TTLL2: variants seen among roughly 807,000 people sequenced by gnomAD.
TTLL2 encodes the protein probable tubulin polyglutamylase TTLL2.
TTLL2 carries 10 observed loss-of-function variants against 7.5 expected under a neutral mutation model. That is an observed-to-expected ratio of 1.33 (90% CI 0.82 to 2.25). The LOEUF (loss-of-function observed/expected upper bound fraction) is 2.25. Ranked by LOEUF, TTLL2 falls within the 30% of genes most tolerant of loss-of-function variation. The pLI, the probability that TTLL2 is intolerant of heterozygous loss-of-function variation, is 0.00. For missense variants in TTLL2, 733 were observed against 735.7 expected (o/e 1.00, Z 0.04); for synonymous variants, 284 against 280.3 (o/e 1.01, Z -0.13).
rs1778831421 is a variant in TTLL2 at position 167,325,147 on chromosome 6, A to G, written c.-27A>G. Reference sequence around the variant, plus strand: ...CTGCAGCTGCTGCACAGAGACCCACAGAGGCCACCCTCGGAACCAGCGCCC... The same window carrying G: ...CTGCAGCTGCTGCACAGAGACCCACGGAGGCCACCCTCGGAACCAGCGCCC... On this transcript the variant is annotated 5_prime_UTR_variant, in exon 1 of 3. Coordinates refer to ENST00000239587, the MANE Select transcript of TTLL2 (RefSeq NM_031949.5). The G allele has an allele frequency of 6.4e-7, 1 of 1,567,244 alleles. No individual in the cohort carries two copies. Among genetic ancestry groups the G allele is most frequent in the African/African-American group, 1.4e-5 (1 of 73,584 alleles).
At chr6:167,331,525 C>G (rs1265343907) in intron 1 of TTLL2, among the ~76,000 whole-genome samples, 6 of 152,152 alleles carry the variant, frequency 3.9e-5, no homozygotes, top group Non-Finnish European at 8.8e-5. Flanking sequence ...ACTTTCTGTT[C>G]TTGGCTTATT....
intron 2 of TTLL2, among the ~76,000 whole-genome samples, chr6:167,339,363 G>T (rs1015253445): frequency 6.6e-6 from 1 of 152,080 alleles, no homozygotes; most frequent in East Asian, 1.9e-4. Context: ...AGTTATGATC[G>T]TCTTAAGAAT....
intron 1 of TTLL2, among the ~76,000 whole-genome samples, chr6:167,326,464 A>G (rs993412623): frequency 6.6e-6 from 1 of 152,080 alleles, no homozygotes; most frequent in Admixed American, 6.5e-5. Flanking sequence ...TGCATCAGGA[A>G]AGGTGACAAG....
In TTLL2 at chr6:167,341,797, T is replaced by C. The variant is rs545431988; in HGVS notation, c.*118T>C. The stretch of plus-strand genomic sequence containing the variant: ...TGCCACCAGCATGTTAACTATGACA[T>C]TGGGACTGAAGATGTGGCCATATGT... On this transcript the variant is annotated 3_prime_UTR_variant, in exon 3 of 3. Coordinates refer to ENST00000239587, the MANE Select transcript of TTLL2 (RefSeq NM_031949.5). 8 of 1,131,260 alleles carry C rather than the reference T, an allele frequency of 7.1e-6. No homozygotes were observed. The highest frequency in any genetic ancestry group is 5.0e-5 in the South Asian group (3 of 59,730). The allele number at this position is 1,131,260 out of a possible 1,614,324, so 70.1% of individuals were successfully genotyped here.
intron 2 of TTLL2, 122 bp from the exon 3 acceptor site, chr6:167,339,983 G>T: frequency 9.5e-7 from 1 of 1,047,762 alleles, no homozygotes. Context: ...CGGTGAGACT[G>T]CACAGTGGGA....
At chr6:167,326,101 G>T (rs73266925) in intron 1 of TTLL2, among the ~76,000 whole-genome samples, 3,391 of 152,094 alleles carry the variant, frequency 0.022, 144 homozygotes, top group African/African-American at 0.078. Flanking sequence ...TAGTGATGGC[G>T]TTTGCGTTTC....
At chr6:167,326,088 G>A (rs1396858694) in intron 1 of TTLL2, among the ~76,000 whole-genome samples, 1 of 152,040 alleles carries the variant, frequency 6.6e-6, no homozygotes, top group Non-Finnish European at 1.5e-5. Flanking sequence ...TCCCAACTTG[G>A]GCTAGTGATG....
rs1208372017 is a variant in TTLL2 at position 167,341,373 on chromosome 6, G to A, written c.1473G>A (p.Glu491=). The part of the protein sequence containing the change: ...EAAPASQLEG[E]MSGQDFHLST... ...CACCTGCCTCCCAGCTGGAAGGAGA[G>A]ATGAGTGGGCAGGATTTTCATCTGT... The change falls in exon 3 of 3, where the codon GAG becomes GAA. Residue 491 remains glutamate, a synonymous_variant. Coordinates refer to ENST00000239587, the MANE Select transcript of TTLL2 (RefSeq NM_031949.5). The A allele has an allele frequency of 1.2e-6, 2 of 1,613,772 alleles. No homozygotes were observed. Among genetic ancestry groups the A allele is most frequent in the Non-Finnish European group, 1.7e-6 (2 of 1,180,002 alleles).
chr6:167,339,267 C>T (rs1237971863), intron 2 of TTLL2, among the ~76,000 whole-genome samples: 1 of 152,104 alleles, frequency 6.6e-6, no homozygotes, highest in African/African-American at 2.4e-5. Flanking sequence ...TGTCTCAGGA[C>T]TTTGACATAT....
In TTLL2 at chr6:167,341,962, C is replaced by T. The variant is rs1779104412; in HGVS notation, c.*283C>T. 2 of 375,028 alleles carry T rather than the reference C, an allele frequency of 5.3e-6. No homozygotes were observed. The highest frequency in any genetic ancestry group is 2.1e-5 in the African/African-American group (1 of 48,444). 23.2% of individuals were successfully genotyped at this position (375,028 alleles called of 1,614,324 possible). ...CTCCCACCAGTAATTGAATGTGCTA[C>T]ACTACGATTATGCTATGTATGTATT... On this transcript the variant is annotated 3_prime_UTR_variant, in exon 3 of 3. Transcript: ENST00000239587.
chr6:167,340,198 C>CA lies in TTLL2; in HGVS notation c.301dup (p.Ser101LysfsTer10). On this transcript the variant is annotated frameshift_variant, in exon 3 of 3. Transcript: ENST00000239587. LOFTEE classifies it low-confidence loss of function (END_TRUNC). ...TGACGAGACCACCCCGGCTGTGGTG[C>CA]AAAGCGTCCTCCTGGAGAGGGGGTG... The CA allele has an allele frequency of 6.2e-7, 1 of 1,613,966 alleles. No individual in the cohort carries two copies. Among genetic ancestry groups the CA allele is most frequent in the African/African-American group, 1.3e-5 (1 of 74,998 alleles).
chr6:167,327,909 T>C (rs1778868255), intron 1 of TTLL2: 1 of 435,896 alleles, frequency 2.3e-6, no homozygotes, highest in Admixed American at 2.5e-5. Context: ...TTTGGTTCTC[T>C]ATGTTGGTGA....
At chr6:167,330,924 G>A (rs1049964263) in intron 1 of TTLL2, among the ~76,000 whole-genome samples, 7 of 152,130 alleles carry the variant, frequency 4.6e-5, no homozygotes, top group African/African-American at 1.7e-4. Flanking sequence ...TGCAGCATGA[G>A]CTCGATAGCG....
At chr6:167,330,387 G>A (rs754880360) in intron 1 of TTLL2, among the ~76,000 whole-genome samples, 2 of 151,940 alleles carry the variant, frequency 1.3e-5, no homozygotes, top group Non-Finnish European at 2.9e-5. Flanking sequence ...GTGAAACCCC[G>A]TCTCTACTAA....
intron 1 of TTLL2, among the ~76,000 whole-genome samples, chr6:167,329,571 T>G (rs182230800): frequency 6.6e-6 from 1 of 152,222 alleles, no homozygotes; most frequent in Non-Finnish European, 1.5e-5. Flanking sequence ...ATTTTTGTTG[T>G]AATATATTTG....
At chr6:167,339,254 C>T (rs1779037398) in intron 2 of TTLL2, among the ~76,000 whole-genome samples, 1 of 152,068 alleles carries the variant, frequency 6.6e-6, no homozygotes, top group Non-Finnish European at 1.5e-5. Flanking sequence ...TTGATGAGCA[C>T]GTTGTCTCAG....
intron 1 of TTLL2, among the ~76,000 whole-genome samples, chr6:167,331,767 ACT>A (rs1778922861): frequency 6.6e-6 from 1 of 152,110 alleles, no homozygotes; most frequent in African/African-American, 2.4e-5. Context: ...TACTTCAACC[ACT>A]CATACACTGG....
At chr6:167,325,263 A>T in intron 1 of TTLL2, 43 bp downstream of exon 1, 1 of 1,494,382 alleles carries the variant, frequency 6.7e-7, no homozygotes, top group Non-Finnish European at 9.0e-7. Context: ...GGTGGCCCCG[A>T]TCATGCCTCT....
At chr6:167,337,220 T>C (rs1305560153) in intron 1 of TTLL2, among the ~76,000 whole-genome samples, 2 of 152,268 alleles carry the variant, frequency 1.3e-5, no homozygotes, top group African/African-American at 2.4e-5. Flanking sequence ...TTCTTGAGTA[T>C]GCATTGCTCT....
Sources: allele counts gnomAD v4.1 joint callset (sites outside exome capture counted in the v4.1 genomes callset), GRCh38; gene constraint gnomAD v4.1.1; transcripts MANE v1.5; gene names NCBI Gene and HGNC (gene_info 2026-07-23, HGNC 2026-07-21).